The following ERG variants were observed in gnomAD, a reference collection of about 807,000 sequenced individuals.
ERG encodes transcriptional regulator ERG.
ERG carries 9 observed loss-of-function variants against 55.3 expected under a neutral mutation model. That is an observed-to-expected ratio of 0.16 (90% CI 0.10 to 0.28). The LOEUF (loss-of-function observed/expected upper bound fraction) is 0.28, where lower values mean the gene tolerates loss of function less well. ERG is among the 10% of genes least tolerant of loss of function. ERG has a pLI of 1.00. For missense variants in ERG, 434 were observed against 631.6 expected, an observed-to-expected ratio of 0.69 and a Z score of 3.35; for synonymous variants, 223 against 237.3, an observed-to-expected ratio of 0.94 and a Z score of 0.55.
At chr21:38,556,088 T>A (rs1444020405) in intron 2 of ERG, among the ~76,000 whole-genome samples, 1 of 151,958 alleles carries the variant, frequency 6.6e-6, no homozygotes, top group Non-Finnish European at 1.5e-5. Flanking sequence ...ATACATAGGA[T>A]GAAATTGCAT....
chr21:38,505,915 G>A (rs998167682), intron 2 of ERG, among the ~76,000 whole-genome samples: 6 of 152,086 alleles, frequency 3.9e-5, no homozygotes, highest in Non-Finnish European at 7.4e-5. Context: ...GAATACTAGT[G>A]TGCCTAATTC....
intron 2 of ERG, among the ~76,000 whole-genome samples, chr21:38,509,509 C>G (rs943998261): frequency 1.3e-5 from 2 of 152,148 alleles, no homozygotes; most frequent in African/African-American, 4.8e-5. Context: ...TCTTTTCCAC[C>G]CTTTTTCTTT....
At chr21:38,417,023 G>A (rs563921875) in intron 3 of ERG, among the ~76,000 whole-genome samples, 1 of 152,316 alleles carries the variant, frequency 6.6e-6, no homozygotes, top group East Asian at 1.9e-4. Context: ...TGAAATACTG[G>A]TCTGAGTCAT....
chr21:38,426,720 C>T (rs1395921203), intron 2 of ERG, among the ~76,000 whole-genome samples: 1 of 151,394 alleles, frequency 6.6e-6, no homozygotes, highest in African/African-American at 2.4e-5. Context: ...CACCTGAGGT[C>T]GGGAGTTTGA....
chr21:38,416,597 G>C (rs1989291404), intron 3 of ERG, among the ~76,000 whole-genome samples: 1 of 152,278 alleles, frequency 6.6e-6, no homozygotes, highest in South Asian at 2.1e-4. Flanking sequence ...TAAGTCAATT[G>C]GGTATAAGCC....
chr21:38,484,209 C>T (rs1485583357), intron 1 of ERG, among the ~76,000 whole-genome samples: 2 of 152,176 alleles, frequency 1.3e-5, no homozygotes, highest in Non-Finnish European at 2.9e-5. Context: ...AGACAATCCA[C>T]CCGCCTCAAC....
the ERG span, among the ~76,000 whole-genome samples, chr21:38,371,797 T>C: frequency 6.6e-6 from 1 of 152,092 alleles, no homozygotes; most frequent in Non-Finnish European, 1.5e-5. Context: ...CTTGCATTCA[T>C]AAGAATAATT....
chr21:38,414,819 A>T (rs1299653469), intron 3 of ERG, among the ~76,000 whole-genome samples: 7 of 150,146 alleles, frequency 4.7e-5, no homozygotes, highest in South Asian at 2.1e-4. Flanking sequence ...TATTTTAAAC[A>T]TTTTTTTTTT....
chr21:38,506,347 C>T (rs1013530806), intron 2 of ERG, among the ~76,000 whole-genome samples: 1 of 152,106 alleles, frequency 6.6e-6, no homozygotes, highest in Non-Finnish European at 1.5e-5. Flanking sequence ...AACTCAGACA[C>T]CAGTAGATCC....
chr21:38,504,643 G>T (rs113568484), intron 2 of ERG, among the ~76,000 whole-genome samples: 87 of 152,276 alleles, frequency 5.7e-4, no homozygotes, highest in African/African-American at 2.0e-3. Flanking sequence ...TGCCCATAAG[G>T]CTTCGTATGC....
chr21:38,466,565 G>C (rs2059092580), intron 1 of ERG, among the ~76,000 whole-genome samples: 1 of 151,470 alleles, frequency 6.6e-6, no homozygotes, highest in Non-Finnish European at 1.5e-5. Context: ...CCCAAAGTGA[G>C]GGGGGGTCTA....
intron 1 of ERG, among the ~76,000 whole-genome samples, chr21:38,462,636 T>C (rs980980072): frequency 2.6e-5 from 4 of 152,316 alleles, no homozygotes; most frequent in Admixed American, 6.5e-5. Context: ...AAAGCCAATA[T>C]TGAGCCTTCC....
Position 38,383,321 on chromosome 21 carries a change from A to C in ERG, c.*82T>G. On this transcript the variant is annotated 3_prime_UTR_variant, in exon 10 of 10. Transcript: ENST00000288319. The surrounding 1 kb of genome is among the most constrained non-coding windows in gnomAD (Gnocchi z 5.7). The stretch of plus-strand genomic sequence containing the variant: ...AAGCTTTTTTCATTCCTCTTGAGGC[A>C]CTTTTGATTCATGTTCTCCGATAGA... The C allele has an allele frequency of 7.4e-7, 1 of 1,356,926 alleles. No individual in the cohort carries two copies. The highest frequency in any genetic ancestry group is 9.5e-7 in the Non-Finnish European group (1 of 1,048,848). The allele number at this position is 1,356,926 out of a possible 1,614,324, so 84.1% of individuals were successfully genotyped here.
chr21:38,575,969 C>T (rs2059992285), intron 1 of ERG, among the ~76,000 whole-genome samples: 1 of 152,224 alleles, frequency 6.6e-6, no homozygotes, highest in African/African-American at 2.4e-5. Context: ...CCCAAGAGAA[C>T]CCTAGTCCGA....
chr21:38,606,568 A>G (rs1490707054), intron 1 of ERG, among the ~76,000 whole-genome samples: 1 of 152,206 alleles, frequency 6.6e-6, no homozygotes, highest in Admixed American at 6.5e-5. Flanking sequence ...TAGCACCCCA[A>G]ACAGCATGGA....
At chr21:38,547,258 C>G (rs2146808061) in intron 2 of ERG, among the ~76,000 whole-genome samples, 1 of 152,256 alleles carries the variant, frequency 6.6e-6, no homozygotes, top group East Asian at 1.9e-4. Context: ...TCCCATGTTG[C>G]AGCTATGGAT....
At chr21:38,541,483 C>T (rs1601213226) in intron 2 of ERG, among the ~76,000 whole-genome samples, 1 of 152,190 alleles carries the variant, frequency 6.6e-6, no homozygotes, top group African/African-American at 2.4e-5. Context: ...CACATTGCCA[C>T]TTGCTCAAGT....
intron 1 of ERG, among the ~76,000 whole-genome samples, chr21:38,596,754 C>T (rs1335775213): frequency 6.6e-6 from 1 of 152,170 alleles, no homozygotes; most frequent in African/African-American, 2.4e-5. Context: ...TCTCACCCAG[C>T]CAAGATGGCC....
intron 2 of ERG, among the ~76,000 whole-genome samples, chr21:38,542,535 G>A (rs2059760432): frequency 1.3e-5 from 2 of 152,136 alleles, no homozygotes. Flanking sequence ...TCAAAACATG[G>A]CTTTAAAATC....
Sources: allele counts gnomAD v4.1 joint callset (sites outside exome capture counted in the v4.1 genomes callset), GRCh38; gene constraint gnomAD v4.1.1; non-coding constraint Gnocchi (gnomAD v3.1); transcripts MANE v1.5; gene names NCBI Gene and HGNC (gene_info 2026-07-23, HGNC 2026-07-21).